COL22A1: variants seen among roughly 807,000 people sequenced by gnomAD.
COL22A1 encodes collagen alpha-1(XXII) chain.
COL22A1 carries 221 observed loss-of-function variants against 248.9 expected under a neutral mutation model. The ratio of observed to expected loss-of-function variants is 0.89; its 90% CI spans 0.80 to 0.99. The LOEUF is 0.99. COL22A1 is among the 50% of genes least tolerant of loss of function. The probability of loss-of-function intolerance (pLI) is 0.00; values close to 1 mark genes in which losing one functional copy is unlikely to be tolerated. For missense variants in COL22A1, 2,240 were observed against 2,179.0 expected (o/e 1.03, Z -0.56); for synonymous variants, 891 against 793.4 (o/e 1.12, Z -2.07).
intron 56 of COL22A1, 57 bp downstream of exon 56, chr8:138,613,809 AT>A: frequency 7.1e-7 from 1 of 1,405,956 alleles, no homozygotes; most frequent in East Asian, 2.3e-5. Flanking sequence ...ACTAAATATC[AT>A]TGTGGTAAAA....
chr8:138,779,016 A>G (rs753932355), intron 14 of COL22A1, among the ~76,000 whole-genome samples: 2 of 152,240 alleles, frequency 1.3e-5, no homozygotes, highest in Non-Finnish European at 1.5e-5. Context: ...AATCTATCCT[A>G]CTGCAATAAA....
intron 23 of COL22A1, among the ~76,000 whole-genome samples, chr8:138,730,869 A>G (rs1386420361): frequency 6.6e-6 from 1 of 151,580 alleles, no homozygotes; most frequent in Non-Finnish European, 1.5e-5. Context: ...GGAGCTGCTG[A>G]GCCATGGCTA....
intron 9 of COL22A1, among the ~76,000 whole-genome samples, chr8:138,810,433 C>T (rs1818115355): frequency 1.3e-5 from 2 of 152,242 alleles, no homozygotes; most frequent in Admixed American, 6.5e-5. Flanking sequence ...CTCAGCCTGA[C>T]TGCGGTGGAC....
Position 138,806,062 on chromosome 8 carries a change from G to GATGGTGTGTGTGTGTGATGGTGTGTGT in COL22A1, c.1494+1705_1494+1706insACACACACCATCACACACACACACCAT, listed in dbSNP as rs796503279. 6.2e-5 allele frequency among the ~76,000 whole-genome samples: 6 copies of GATGGTGTGTGTGTGTGATGGTGTGTGT among 96,590 alleles called. 1 individual carries two copies. Among genetic ancestry groups the GATGGTGTGTGTGTGTGATGGTGTGTGT allele is most frequent in the African/African-American group, 1.8e-4 (3 of 16,520 alleles). 63.4% of individuals were successfully genotyped at this position (96,590 alleles called of 152,430 possible). A position where few individuals can be genotyped will look rare whatever the true frequency, so the allele number is the denominator to read the frequency against. ...TGTGATGGTGTAGGTAATGGTGTGT[G>GATGGTGTGTGTGTGTGATGGTGTGTGT]GTGGTGTGTGTGATGGTGTGTGTAA... On this transcript the variant is annotated intron_variant, in intron 10 of 64. Coordinates refer to ENST00000303045, the MANE Select transcript of COL22A1 (RefSeq NM_152888.3).
chr8:138,743,570 G>T (rs1469187680), intron 22 of COL22A1, among the ~76,000 whole-genome samples: 1 of 152,104 alleles, frequency 6.6e-6, no homozygotes, highest in Non-Finnish European at 1.5e-5. Flanking sequence ...GGTAGATGTA[G>T]CAGCGGCTAT....
intron 14 of COL22A1, 82 bp from the exon 15 acceptor site, chr8:138,778,488 G>A (rs1015015130): frequency 2.5e-5 from 33 of 1,295,722 alleles, no homozygotes; most frequent in Non-Finnish European, 3.2e-5. Context: ...CCAGTCCCAC[G>A]TTTGGTGACA....
rs544049260 is a variant in COL22A1 at position 138,903,804 on chromosome 8, C to T, written c.-73+9815G>A. ...CTTGGGCCCCACATCCCCCTGGATG[C>T]TGGAATTTGACAAGAGCCAAGCATC... On this transcript the variant is annotated intron_variant, in intron 1 of 64. Coordinates refer to ENST00000303045, the MANE Select transcript of COL22A1 (RefSeq NM_152888.3). Among the ~76,000 whole-genome samples, 6 of 152,256 alleles carry T rather than the reference C, an allele frequency of 3.9e-5. No homozygotes were observed. The East Asian group carries it at 9.7e-4, about 25-fold the overall frequency.
At chr8:138,800,171 C>T (rs192462994) in intron 11 of COL22A1, among the ~76,000 whole-genome samples, 2 of 152,280 alleles carry the variant, frequency 1.3e-5, no homozygotes, top group African/African-American at 4.8e-5. Flanking sequence ...GAGCAGTAGC[C>T]TCTGCTTTTC....
intron 41 of COL22A1, among the ~76,000 whole-genome samples, chr8:138,666,727 G>C (rs1174639615): frequency 6.6e-6 from 1 of 152,206 alleles, no homozygotes; most frequent in Non-Finnish European, 1.5e-5. Context: ...CATCATTTGA[G>C]AGTCACCCTT....
intron 11 of COL22A1, among the ~76,000 whole-genome samples, chr8:138,799,751 T>C (rs1816843783): frequency 1.3e-5 from 2 of 152,230 alleles, no homozygotes; most frequent in Non-Finnish European, 2.9e-5. Context: ...ATGCTATACA[T>C]GGCATTCATT....
intron 30 of COL22A1, among the ~76,000 whole-genome samples, chr8:138,704,774 A>G (rs934668201): frequency 6.6e-6 from 1 of 152,238 alleles, no homozygotes; most frequent in African/African-American, 2.4e-5. Context: ...TGGATTGAGA[A>G]TGACTTTGAT....
At chr8:138,706,476 A>G (rs1321008396) in intron 30 of COL22A1, among the ~76,000 whole-genome samples, 2 of 152,236 alleles carry the variant, frequency 1.3e-5, no homozygotes, top group African/African-American at 4.8e-5. Flanking sequence ...ATGCAGGATT[A>G]AGAAACTCAC....
At chr8:138,771,472 C>A (rs992551650) in intron 16 of COL22A1, among the ~76,000 whole-genome samples, 3 of 152,202 alleles carry the variant, frequency 2.0e-5, no homozygotes, top group African/African-American at 4.8e-5. Context: ...CCCCCGGCTT[C>A]TCTACAGCCC....
At chr8:138,806,065 G>GTGTGTGTGATGGTGTGTGTGTGATGGTGT (rs1554632223) in intron 10 of COL22A1, among the ~76,000 whole-genome samples, 2 of 6,192 alleles carry the variant, frequency 3.2e-4, no homozygotes, top group Non-Finnish European at 3.1e-4. Context: ...GGTGTGTGGT[G>GTGTGTGTGATGGTGTGTGTGTGATGGTGT]GTGTGTGTGA....
At chr8:138,813,952 C>T (rs1442775092) in intron 7 of COL22A1, among the ~76,000 whole-genome samples, 2 of 152,236 alleles carry the variant, frequency 1.3e-5, no homozygotes, top group African/African-American at 4.8e-5. Flanking sequence ...ACTTCTATCA[C>T]CTCCTTTAAT....
intron 3 of COL22A1, among the ~76,000 whole-genome samples, chr8:138,857,372 A>G (rs191267703): frequency 3.4e-4 from 52 of 152,238 alleles, no homozygotes; most frequent in African/African-American, 1.2e-3. Context: ...GTGGCCCCTC[A>G]CATGACCACA....
chr8:138,787,701 A>G (rs1203045380), intron 12 of COL22A1, among the ~76,000 whole-genome samples: 2 of 152,166 alleles, frequency 1.3e-5, no homozygotes, highest in African/African-American at 4.8e-5. Context: ...TGTGTTCACA[A>G]CAGCTGCTGT....
chr8:138,828,158 A>G (rs986606135), intron 5 of COL22A1: 1 of 152,064 alleles, frequency 6.6e-6, no homozygotes, highest in Non-Finnish European at 1.5e-5. Context: ...AAGTTGAAGG[A>G]ATGCAGAACT....
intron 49 of COL22A1, 67 bp downstream of exon 49, chr8:138,634,943 T>G: frequency 2.9e-6 from 3 of 1,041,556 alleles, no homozygotes; most frequent in Non-Finnish European, 3.0e-6. Flanking sequence ...ATACCATGCC[T>G]GGTGAGTTGA....
Sources: allele counts gnomAD v4.1 joint callset (sites outside exome capture counted in the v4.1 genomes callset), GRCh38; gene constraint gnomAD v4.1.1; transcripts MANE v1.5; gene names NCBI Gene and HGNC (gene_info 2026-07-23, HGNC 2026-07-21).